Variants in SLC38A9 observed in about 807,000 individuals in gnomAD.
The protein encoded by SLC38A9 is neutral amino acid transporter 9.
A neutral mutation model predicts 62.3 loss-of-function variants in SLC38A9; 48 were observed. The ratio of observed to expected loss-of-function variants is 0.77; its 90% CI spans 0.61 to 0.98. The LOEUF (loss-of-function observed/expected upper bound fraction) is 0.98. Among genes scored for constraint, SLC38A9 ranks in the 50% least tolerant of loss-of-function variants. The pLI is 0.00. For synonymous variants in SLC38A9, 204 were observed against 227.7 expected (o/e 0.90, Z 0.94); for missense variants, 541 against 679.8 (o/e 0.80, Z 2.27).
chr5:55,694,737 TTCTCC>T (rs955898263), intron 3 of SLC38A9, among the ~76,000 whole-genome samples: 4 of 78,906 alleles, frequency 5.1e-5, no homozygotes, highest in South Asian at 4.8e-4. Flanking sequence ...CTCCCCACCC[TTCTCC>T]TCTCCTCTCC....
intron 3 of SLC38A9, among the ~76,000 whole-genome samples, chr5:55,686,505 G>C (rs1753839494): frequency 1.3e-5 from 2 of 152,066 alleles, no homozygotes; most frequent in Non-Finnish European, 2.9e-5. Context: ...CTTCCTTATA[G>C]ATGCTGGATA....
At chr5:55,698,864 G>A (rs560671469) in intron 2 of SLC38A9, among the ~76,000 whole-genome samples, 1 of 152,174 alleles carries the variant, frequency 6.6e-6, no homozygotes, top group Non-Finnish European at 1.5e-5. Context: ...TTAAACCCAG[G>A]ATTTGGAGGC....
chr5:55,664,890 A>G, intron 7 of SLC38A9, 27 bp from the exon 8 acceptor site: 1 of 1,434,360 alleles, frequency 7.0e-7, no homozygotes, highest in Non-Finnish European at 9.4e-7. Flanking sequence ...AAAGAATAAA[A>G]CTAAATGTTG....
chr5:55,678,278 T>C (rs370769415), intron 3 of SLC38A9, among the ~76,000 whole-genome samples: 1 of 151,496 alleles, frequency 6.6e-6, no homozygotes, highest in South Asian at 2.1e-4. Flanking sequence ...GCTGGGACTA[T>C]AGGCATGTGC....
rs1758038896 is a variant in SLC38A9, at chr5:55,711,503, T to C, written c.-82-4A>G. The C allele has an allele frequency of 6.6e-6, 1 of 152,280 alleles. No homozygotes were observed. Among genetic ancestry groups the C allele is most frequent in the Middle Eastern group, 3.4e-3 (1 of 294 alleles). The allele number at this position is 152,280 out of a possible 1,614,324, so 9.4% of individuals were successfully genotyped here. A position where few individuals can be genotyped will look rare whatever the true frequency, so the allele number is the denominator to read the frequency against. On this transcript the variant is annotated splice_region_variant and splice_polypyrimidine_tract_variant and intron_variant, in intron 1 of 15. Coordinates refer to ENST00000396865, the MANE Select transcript of SLC38A9 (RefSeq NM_173514.4). ...CGGTGGACCTCAGTTTCCTTCTCTG[T>C]AAAATGAGGAGAATGCGCTTGACTA...
chr5:55,670,148 G>A (rs1476086549), intron 4 of SLC38A9, among the ~76,000 whole-genome samples: 1 of 151,540 alleles, frequency 6.6e-6, no homozygotes, highest in Admixed American at 6.6e-5. Flanking sequence ...GTATTTTTTT[G>A]TAGAGACGGG....
intron 3 of SLC38A9, among the ~76,000 whole-genome samples, chr5:55,680,837 T>A (rs1752893018): frequency 6.6e-6 from 1 of 152,248 alleles, no homozygotes; most frequent in African/African-American, 2.4e-5. Flanking sequence ...GTATTTTCAA[T>A]CCAGATGGCA....
intron 3 of SLC38A9, among the ~76,000 whole-genome samples, chr5:55,683,941 A>G (rs987488076): frequency 2.6e-5 from 4 of 152,174 alleles, no homozygotes; most frequent in African/African-American, 9.7e-5. Flanking sequence ...TTACAAACTC[A>G]TTTCCAAAAT....
intron 12 of SLC38A9, among the ~76,000 whole-genome samples, chr5:55,637,026 A>C (rs1388121778): frequency 1.3e-5 from 2 of 152,192 alleles, no homozygotes; most frequent in East Asian, 3.8e-4. Flanking sequence ...AACCAGGCCA[A>C]ATCTACTTTT....
intron 3 of SLC38A9, among the ~76,000 whole-genome samples, chr5:55,677,998 T>G (rs572117822): frequency 7.8e-6 from 1 of 128,016 alleles, no homozygotes; most frequent in African/African-American, 2.9e-5. Flanking sequence ...GCTGGAACAA[T>G]TGGGTGGTAA....
chr5:55,648,134 G>A (rs555200741), intron 11 of SLC38A9, among the ~76,000 whole-genome samples: 3 of 152,296 alleles, frequency 2.0e-5, no homozygotes, highest in African/African-American at 7.2e-5. Flanking sequence ...AGCTACTCAG[G>A]AGGCTGAGGC....
At chr5:55,685,390 A>G (rs1753638469) in intron 3 of SLC38A9, among the ~76,000 whole-genome samples, 1 of 152,192 alleles carries the variant, frequency 6.6e-6, no homozygotes, top group Non-Finnish European at 1.5e-5. Flanking sequence ...TTTCTTTCAC[A>G]CAGCATAATG....
intron 12 of SLC38A9, among the ~76,000 whole-genome samples, chr5:55,643,364 T>G (rs571751706): frequency 1.3e-5 from 2 of 152,346 alleles, no homozygotes; most frequent in East Asian, 1.9e-4. Flanking sequence ...GTTATTGATT[T>G]GTATCTTCAC....
At position 55,645,876 on chromosome 5, in the gene SLC38A9, T is replaced by C; in HGVS notation, c.1080A>G (p.Pro360=). ...FFVPEIRFQF[P]QLTGVLTLAF... ...CAAGGGTAAGCACTCCAGTCAGCTG[T>C]GGAAACTGAAATCTTATCTCTAGGA... The change falls in exon 12 of 16, where the codon CCA becomes CCG. Residue 360 remains proline (P), a synonymous_variant. Coordinates refer to ENST00000396865, the MANE Select transcript of SLC38A9 (RefSeq NM_173514.4). 1 of 1,607,030 alleles carries C rather than the reference T, an allele frequency of 6.2e-7. No individual in the cohort carries two copies. Among genetic ancestry groups the C allele is most frequent in the Non-Finnish European group, 8.5e-7 (1 of 1,177,348 alleles).
intron 14 of SLC38A9, among the ~76,000 whole-genome samples, chr5:55,630,800 G>A (rs1743305089): frequency 6.6e-6 from 1 of 151,980 alleles, no homozygotes; most frequent in South Asian, 2.1e-4. Flanking sequence ...TGTTACTTAT[G>A]TTAACAAGTA....
At chr5:55,706,630 T>C (rs1238540374) in intron 2 of SLC38A9, among the ~76,000 whole-genome samples, 1 of 152,194 alleles carries the variant, frequency 6.6e-6, no homozygotes, top group East Asian at 1.9e-4. Flanking sequence ...AAACTGATGA[T>C]TTCAAATAAC....
intron 12 of SLC38A9, among the ~76,000 whole-genome samples, chr5:55,638,713 C>T (rs1561311642): frequency 1.3e-5 from 2 of 152,180 alleles, no homozygotes; most frequent in African/African-American, 4.8e-5. Context: ...CAAACATTTA[C>T]ATAACTTCTC....
intron 8 of SLC38A9, among the ~76,000 whole-genome samples, chr5:55,664,140 G>GA (rs56268609): frequency 0.6 from 90,247 of 150,460 alleles, 27,576 homozygotes; most frequent in South Asian, 0.7. Flanking sequence ...CTCAAAAAAA[G>GA]AAAAAAAAAT....
intron 3 of SLC38A9, chr5:55,696,165 G>C (rs1580402329): frequency 2.1e-5 from 1 of 47,332 alleles, no homozygotes; most frequent in Non-Finnish European, 5.3e-5. Flanking sequence ...CTGACCGGGC[G>C]GGGGGCTGAC....
Sources: allele counts gnomAD v4.1 joint callset (sites outside exome capture counted in the v4.1 genomes callset), GRCh38; gene constraint gnomAD v4.1.1; transcripts MANE v1.5; gene names NCBI Gene and HGNC (gene_info 2026-07-23, HGNC 2026-07-21).